PUDP: variants seen among roughly 807,000 people sequenced by gnomAD.
PUDP encodes the protein pseudouridine 5'-phosphatase.
A neutral mutation model predicts 9.4 loss-of-function variants in PUDP; 8 were observed. The ratio of observed to expected loss-of-function variants is 0.85; its 90% confidence interval spans 0.50 to 1.53. The LOEUF (loss-of-function observed/expected upper bound fraction) is 1.53. Ranked by LOEUF, PUDP falls within the 40% of genes most tolerant of loss-of-function variation. The pLI is 0.00. For synonymous variants in PUDP, 99 were observed against 80.7 expected (o/e 1.23, Z -1.22); for missense variants, 188 against 189.7 (o/e 0.99, Z 0.05).
chrX:6,713,309 C>T (rs902857507), intron 1 of PUDP, among the ~76,000 whole-genome samples: 1 of 112,022 alleles, frequency 8.9e-6, no homozygotes, highest in Admixed American at 9.5e-5. Context: ...TAGTCCTTGT[C>T]TTATGAGGGT....
chrX:6,996,795 G>A (rs774138894), intron 1 of PUDP, among the ~76,000 whole-genome samples: 2 of 107,214 alleles, frequency 1.9e-5, no homozygotes, highest in Non-Finnish European at 3.8e-5. Flanking sequence ...AGCCTCCCAA[G>A]TAGGTGGGAT....
At chrX:6,958,144 C>A (rs1053409979) in intron 3 of PUDP, among the ~76,000 whole-genome samples, 1 of 112,173 alleles carries the variant, frequency 8.9e-6, no homozygotes, top group Non-Finnish European at 1.9e-5. Context: ...ACTGCTGTGT[C>A]CGGTTTCCAT....
At chrX:7,129,326 C>G (rs1932561212) in intron 1 of PUDP, among the ~76,000 whole-genome samples, 1 of 112,022 alleles carries the variant, frequency 8.9e-6, no homozygotes, top group Non-Finnish European at 1.9e-5. Flanking sequence ...TTGGCTCCAT[C>G]TAGTCCCTGC....
chrX:6,838,277 G>A (rs1012441767), intron 3 of PUDP, among the ~76,000 whole-genome samples: 18 of 112,840 alleles, frequency 1.6e-4, no homozygotes, highest in East Asian at 5.6e-4. Context: ...ATCTAGACGA[G>A]TTAACTCATT....
chrX:6,801,197 C>T (rs776063974), intron 3 of PUDP, among the ~76,000 whole-genome samples: 13 of 112,216 alleles, frequency 1.2e-4, no homozygotes, highest in African/African-American at 3.9e-4. Flanking sequence ...ATTTTGTTTC[C>T]TTCCAGTTGG....
chrX:7,034,072 A>T (rs1454077954), intron 1 of PUDP, among the ~76,000 whole-genome samples: 3 of 111,922 alleles, frequency 2.7e-5, no homozygotes, highest in Non-Finnish European at 3.8e-5. Context: ...CTAAGGCAAG[A>T]AGTTGAAAAG....
At chrX:7,121,003 C>T (rs1380095397) in intron 1 of PUDP, among the ~76,000 whole-genome samples, 2 of 111,584 alleles carry the variant, frequency 1.8e-5, no homozygotes, top group African/African-American at 3.3e-5. Context: ...GCAGTGGGCA[C>T]GTGAAACTTC....
At chrX:7,047,413 T>C (rs182364644), downstream of PUDP, among the ~76,000 whole-genome samples, 3 of 112,504 alleles carry the variant, frequency 2.7e-5, no homozygotes, top group Non-Finnish European at 3.8e-5. Context: ...CATGGAAATA[T>C]TGTGTGGCTA....
intron 3 of PUDP, among the ~76,000 whole-genome samples, chrX:6,788,505 C>T (rs967328708): frequency 6.3e-5 from 7 of 111,692 alleles, no homozygotes; most frequent in Non-Finnish European, 9.4e-5. Flanking sequence ...GAGTTCCAGA[C>T]CAGCCTGGGC....
chrX:6,934,248 C>T (rs1928256343), intron 3 of PUDP, among the ~76,000 whole-genome samples: 1 of 105,032 alleles, frequency 9.5e-6, no homozygotes, highest in African/African-American at 3.5e-5. Context: ...TTGGGTTACC[C>T]ACAAAGGGAA....
chrX:6,932,073 T>C (rs1429189196), intron 3 of PUDP, among the ~76,000 whole-genome samples: 1 of 111,846 alleles, frequency 8.9e-6, no homozygotes, highest in Non-Finnish European at 1.9e-5. Context: ...CGCACAAATA[T>C]GTGTGTGTGT....
chrX:6,879,565 T>C (rs1322914311), intron 3 of PUDP, among the ~76,000 whole-genome samples: 2 of 111,834 alleles, frequency 1.8e-5, no homozygotes, highest in Non-Finnish European at 3.8e-5. Context: ...AGTCATTCCA[T>C]ACCTCTGGGT....
intron 3 of PUDP, among the ~76,000 whole-genome samples, chrX:6,850,711 G>A (rs1926814834): frequency 8.9e-6 from 1 of 112,402 alleles, no homozygotes; most frequent in Non-Finnish European, 1.9e-5. Context: ...AAAATTAGCA[G>A]TATTCTTTAG....
intron 3 of PUDP, among the ~76,000 whole-genome samples, chrX:6,807,147 G>A (rs1448355603): frequency 8.9e-6 from 1 of 112,378 alleles, no homozygotes; most frequent in Non-Finnish European, 1.9e-5. Context: ...CATTAAAGAA[G>A]GTTGTTGTTA....
At chrX:7,146,197 T>C (rs1932855083) in intron 1 of PUDP, among the ~76,000 whole-genome samples, 1 of 111,894 alleles carries the variant, frequency 8.9e-6, no homozygotes, top group Non-Finnish European at 1.9e-5. Flanking sequence ...GTTATCTGAC[T>C]AGATCAGAGG....
At chrX:6,789,454 C>G (rs1404640144) in intron 3 of PUDP, among the ~76,000 whole-genome samples, 1 of 106,931 alleles carries the variant, frequency 9.4e-6, no homozygotes, top group Non-Finnish European at 1.9e-5. Context: ...TGCATTGTGT[C>G]CCAAGTTTAA....
chrX:7,110,175 G>A (rs1210955523), intron 1 of PUDP, among the ~76,000 whole-genome samples: 1 of 112,374 alleles, frequency 8.9e-6, no homozygotes, highest in Non-Finnish European at 1.9e-5. Context: ...CTTATGGGAG[G>A]CATTAAGGCT....
At chrX:6,832,602 GCTAA>G (rs770048933) in intron 3 of PUDP, among the ~76,000 whole-genome samples, 15 of 112,138 alleles carry the variant, frequency 1.3e-4, no homozygotes, top group Non-Finnish European at 2.4e-4. Context: ...AAGCACAAGA[GCTAA>G]CTGTGAAAGA....
rs372259917 is a variant in PUDP, at chrX:7,126,612, C to T, written c.62-20774G>A. On this transcript the variant is annotated intron_variant, in intron 1 of 3. Coordinates refer to ENST00000381077, the MANE Select transcript of PUDP (RefSeq NM_012080.5). Reference sequence around the variant, plus strand: ...ATGCTGTCCTCTCCCTGTGTCCTCACGTGGTTGTCCGTAGTGTGTCTGTGT... The same window carrying T: ...ATGCTGTCCTCTCCCTGTGTCCTCATGTGGTTGTCCGTAGTGTGTCTGTGT... Among the ~76,000 whole-genome samples the T allele has an allele frequency of 2.5e-4, 28 of 111,352 alleles. No homozygotes were observed. The South Asian group carries it at 1.0e-2, about 40-fold the overall frequency.
Sources: allele counts gnomAD v4.1 joint callset (sites outside exome capture counted in the v4.1 genomes callset), GRCh38; gene constraint gnomAD v4.1.1; transcripts MANE v1.5; gene names NCBI Gene and HGNC (gene_info 2026-07-23, HGNC 2026-07-21).